The following LTBP1 variants were observed in gnomAD, a reference collection of about 807,000 sequenced individuals.
LTBP1 encodes the protein latent-transforming growth factor beta-binding protein 1.
LTBP1 carries 129 observed loss-of-function variants against 207.6 expected under a neutral mutation model. That is an observed-to-expected ratio of 0.62 (90% CI 0.54 to 0.72). LTBP1 has a LOEUF of 0.72. Ranked by LOEUF, LTBP1 falls within the 30% of genes least tolerant of loss-of-function variation. LTBP1 has a pLI of 0.00. For missense variants in LTBP1, 2,281 were observed against 2,217.2 expected (o/e 1.03, Z -0.58); for synonymous variants, 963 against 833.7 (o/e 1.16, Z -2.67).
chr2:32,963,300 G>A (rs1227600128), intron 2 of LTBP1, among the ~76,000 whole-genome samples: 1 of 152,124 alleles, frequency 6.6e-6, no homozygotes, highest in African/African-American at 2.4e-5. Flanking sequence ...GCACTCCTGG[G>A]CTCAAGTGAT....
At chr2:33,330,923 T>G (rs1343771181) in intron 24 of LTBP1, among the ~76,000 whole-genome samples, 4 of 151,938 alleles carry the variant, frequency 2.6e-5, no homozygotes, top group Non-Finnish European at 1.5e-5. Flanking sequence ...TAAACATTTT[T>G]AAATTGCAGT....
chr2:32,972,189 CT>C (rs140982175), intron 2 of LTBP1, among the ~76,000 whole-genome samples: 9,347 of 144,534 alleles, frequency 0.065, 548 homozygotes, highest in East Asian at 0.24. Context: ...TGGATCTTCT[CT>C]TTTTTTTTCT....
In LTBP1 at chr2:33,046,018, A is replaced by C. The variant is rs188638915; in HGVS notation, c.863+24812A>C. On this transcript the variant is annotated intron_variant, in intron 3 of 33. Transcript: ENST00000404816. The stretch of plus-strand genomic sequence containing the variant: ...ATCAGCTTAAGGAGATTTTGGGCTG[A>C]GACGATGGGGTTTTCTAAATATACA... 2.5e-3 allele frequency among the ~76,000 whole-genome samples: 383 copies of C among 152,336 alleles called. 2 individuals carry two copies. Among genetic ancestry groups the C allele is most frequent in the African/African-American group, 8.6e-3 (359 of 41,576 alleles).
At chr2:32,960,488 G>A (rs953542886) in intron 2 of LTBP1, among the ~76,000 whole-genome samples, 4 of 152,150 alleles carry the variant, frequency 2.6e-5, no homozygotes, top group Admixed American at 2.0e-4. Context: ...TTTGGTACAC[G>A]GAAGGTGTTA....
intron 4 of LTBP1, among the ~76,000 whole-genome samples, chr2:33,122,084 C>T (rs988313747): frequency 6.6e-6 from 1 of 151,630 alleles, no homozygotes; most frequent in African/African-American, 2.4e-5. Flanking sequence ...GTGGATTTTG[C>T]GTGTCCCCTT....
chr2:33,017,468 G>T (rs1270268498), intron 2 of LTBP1, among the ~76,000 whole-genome samples: 1 of 152,176 alleles, frequency 6.6e-6, no homozygotes, highest in South Asian at 2.1e-4. Flanking sequence ...TAGTTTCAAA[G>T]TTTTCCCGGA....
intron 32 of LTBP1, among the ~76,000 whole-genome samples, chr2:33,393,561 A>C (rs540252163): frequency 6.6e-6 from 1 of 150,778 alleles, no homozygotes; most frequent in Non-Finnish European, 1.5e-5. Context: ...CTGTCCTTGC[A>C]ATAGTTTGCT....
chr2:33,077,541 A>C (rs893227025), intron 3 of LTBP1, among the ~76,000 whole-genome samples: 8 of 152,136 alleles, frequency 5.3e-5, no homozygotes, highest in African/African-American at 1.9e-4. Context: ...GAGGTGTCAC[A>C]TACTTTTAAA....
intron 9 of LTBP1, among the ~76,000 whole-genome samples, chr2:33,228,614 C>G (rs1160457462): frequency 6.7e-6 from 1 of 149,890 alleles, no homozygotes; most frequent in Non-Finnish European, 1.5e-5. Context: ...TTATTATTCT[C>G]AATTAGACAT....
intron 22 of LTBP1, among the ~76,000 whole-genome samples, chr2:33,302,950 T>TACACACAC (rs70938396): frequency 5.9e-4 from 85 of 144,900 alleles, no homozygotes; most frequent in African/African-American, 1.9e-3. Flanking sequence ...CTAATATTTT[T>TACACACAC]ACACACACAC....
At position 33,017,101 on chromosome 2, in the gene LTBP1, G is replaced by A. The variant is rs1688489040; in HGVS notation, c.566-3808G>A. Among the ~76,000 whole-genome samples, 5 of 152,296 alleles carry A rather than the reference G, an allele frequency of 3.3e-5. No homozygotes were observed. The South Asian group carries it at 1.0e-3, about 32-fold the overall frequency. ...TAGTCCAACACCTTAGTTATAATAA[G>A]TTTTCACGTAAATGCTATGAATTTT... On this transcript the variant is annotated intron_variant, in intron 2 of 33. Transcript: ENST00000404816.
Position 33,042,360 on chromosome 2 carries a change from C to T in LTBP1, c.863+21154C>T, listed in dbSNP as rs542472699. Among the ~76,000 whole-genome samples the T allele has an allele frequency of 6.6e-5, 10 of 152,216 alleles. 1 individual carries two copies. The South Asian group carries it at 1.5e-3, about 22-fold the overall frequency. On this transcript the variant is annotated intron_variant, in intron 3 of 33. Transcript: ENST00000404816. ...GGAAAACTAAAATGGACTTTGATCC[C>T]GACTGGGGCAAGAGTGATGAAGATG...
chr2:33,381,404 C>T (rs1464101450), intron 31 of LTBP1, among the ~76,000 whole-genome samples: 1 of 152,128 alleles, frequency 6.6e-6, no homozygotes, highest in Non-Finnish European at 1.5e-5. Context: ...AGGAGGGTAA[C>T]ATTAGGTGAA....
At chr2:33,029,448 G>A (rs904271790) in intron 3 of LTBP1, among the ~76,000 whole-genome samples, 1 of 152,138 alleles carries the variant, frequency 6.6e-6, no homozygotes, top group African/African-American at 2.4e-5. Flanking sequence ...CTGCGCTCCA[G>A]CATGGGCAAC....
Position 32,960,968 on chromosome 2 carries a change from T to C in LTBP1, c.565+12023T>C, listed in dbSNP as rs149340411. 2.2e-4 allele frequency among the ~76,000 whole-genome samples: 33 copies of C among 152,292 alleles called. No individual in the cohort carries two copies. The East Asian group carries it at 6.0e-3, about 28-fold the overall frequency. On this transcript the variant is annotated intron_variant, in intron 2 of 33. Coordinates refer to ENST00000404816, the MANE Select transcript of LTBP1 (RefSeq NM_206943.4). ...CAGATAAGATAACAAGAGGGGACTG[T>C]ACAACACAAGCACAGTCAACACAAG...
intron 7 of LTBP1, among the ~76,000 whole-genome samples, chr2:33,191,558 C>T (rs1014366571): frequency 1.3e-5 from 2 of 152,134 alleles, no homozygotes; most frequent in African/African-American, 2.4e-5. Flanking sequence ...TAGGGTGAAC[C>T]AGGCATTTAA....
chr2:33,182,661 CA>C lies in LTBP1; in HGVS notation c.1202-4184del, dbSNP rs1411457701. Among the ~76,000 whole-genome samples, 42 of 65,650 alleles carry C rather than the reference CA, an allele frequency of 6.4e-4. 2 individuals carry two copies. The highest frequency in any genetic ancestry group is 1.1e-3 in the Admixed American group (6 of 5,542). The allele number at this position is 65,650 out of a possible 152,430, so 43.1% of individuals were successfully genotyped here. Reference sequence around the variant, plus strand: ...TGGGTGACAGAGTGAGACCCTGTCTCAAAAAAAAAAAGAAGAAAAGATGGTG... The same window carrying C: ...TGGGTGACAGAGTGAGACCCTGTCTCAAAAAAAAAAGAAGAAAAGATGGTG... On this transcript the variant is annotated intron_variant, in intron 5 of 33. Transcript: ENST00000404816.
At chr2:33,238,893 C>T (rs879313666) in intron 9 of LTBP1, among the ~76,000 whole-genome samples, 3 of 152,174 alleles carry the variant, frequency 2.0e-5, no homozygotes, top group Non-Finnish European at 4.4e-5. Context: ...GCATCATTCC[C>T]ATGTACTGAA....
intron 3 of LTBP1, among the ~76,000 whole-genome samples, chr2:33,060,651 CTGTGTG>C (rs10693285): frequency 8.9e-5 from 13 of 146,650 alleles, no homozygotes; most frequent in African/African-American, 1.8e-4. Flanking sequence ...AAATTCAGAT[CTGTGTG>C]TGTGTGTGTG....
Sources: gnomAD v4.1 joint callset for allele counts (sites outside exome capture counted in the v4.1 genomes callset) on GRCh38, gnomAD v4.1.1 for gene constraint, MANE v1.5 for transcripts, NCBI Gene and HGNC (gene_info 2026-07-23, HGNC 2026-07-21) for gene names.